C9orf78: variants seen among roughly 807,000 people sequenced by gnomAD.
The protein encoded by C9orf78 is splicing factor C9orf78.
C9orf78 carries 19 observed loss-of-function variants against 37.4 expected under a neutral mutation model. That is an observed-to-expected ratio of 0.51 (90% CI 0.35 to 0.74). C9orf78 has a LOEUF of 0.74. C9orf78 is among the 30% of genes least tolerant of loss of function. The probability of loss-of-function intolerance (pLI) is 0.01; values close to 1 mark genes in which losing one functional copy is unlikely to be tolerated. For missense variants in C9orf78, 291 were observed against 370.8 expected (o/e 0.78, Z 1.77); for synonymous variants, 130 against 128.0 (o/e 1.02, Z -0.10).
rs753102534 is a variant in C9orf78 at position 129,833,535 on chromosome 9, A to G, written c.196-18T>C. ...GGATCATCCTGCAGAAAGCAAACAC[A>G]GTTAAGAGGAAGCATCTAAATACAT... On this transcript the variant is annotated intron_variant, in intron 3 of 8. Transcript: ENST00000372447. The G allele has an allele frequency of 1.3e-5, 20 of 1,573,628 alleles. No individual in the cohort carries two copies. The South Asian group carries it at 2.2e-4, about 17-fold the overall frequency.
At chr9:129,831,823 T>C (rs746299387) in intron 5 of C9orf78, 73 bp downstream of exon 5, 4 of 795,768 alleles carry the variant, frequency 5.0e-6, no homozygotes, top group Non-Finnish European at 9.2e-6. Flanking sequence ...AAATGTCATC[T>C]GTTGACTAAA....
chr9:129,833,067 A>ATGTGTGTG lies in C9orf78; in HGVS notation c.266+372_266+379dup, dbSNP rs3054828. ...TACATATGTGTATATGTGTGTACAT[A>ATGTGTGTG]TGTGTGTGTGTGTGTGTGTGTGTAT... On this transcript the variant is annotated intron_variant, in intron 4 of 8. Transcript: ENST00000372447. Among the ~76,000 whole-genome samples the ATGTGTGTG allele has an allele frequency of 6.6e-3, 925 of 139,934 alleles. 7 individuals are homozygous for ATGTGTGTG. The highest frequency in any genetic ancestry group is 0.024 in the Middle Eastern group (6 of 252). The allele number at this position is 139,934 out of a possible 152,430, so 91.8% of individuals were successfully genotyped here.
intron 5 of C9orf78, chr9:129,831,394 T>C: frequency 3.0e-6 from 1 of 338,674 alleles, no homozygotes; most frequent in Non-Finnish European, 5.4e-6. Context: ...GAAATATTAC[T>C]AGTCATGAAA....
chr9:129,828,806 C>A (rs376559494), intron 8 of C9orf78: 1 of 338,968 alleles, frequency 3.0e-6, no homozygotes, highest in African/African-American at 2.1e-5. Context: ...TCATAGCTCA[C>A]TGCAGCCTTG....
At chr9:129,835,046 A>G in intron 1 of C9orf78, 93 bp downstream of exon 1, 1 of 1,033,866 alleles carries the variant, frequency 9.7e-7, no homozygotes, top group Non-Finnish European at 1.5e-6. Flanking sequence ...CCGAGCTCAC[A>G]GTTAACAATG....
chr9:129,829,374 T>C (rs766977709), intron 7 of C9orf78, 31 bp downstream of exon 7: 7 of 1,606,806 alleles, frequency 4.4e-6, no homozygotes, highest in Non-Finnish European at 5.1e-6. Flanking sequence ...AATAGGGGAA[T>C]GGGGGCAAGA....
At chr9:129,834,638 G>T in intron 2 of C9orf78, 69 bp downstream of exon 2, 7 of 1,115,200 alleles carry the variant, frequency 6.3e-6, no homozygotes, top group Non-Finnish European at 9.5e-6. Flanking sequence ...AGATATTTGT[G>T]ACAGCGACCC....
chr9:129,833,822 T>A, intron 2 of C9orf78, 113 bp from the exon 3 acceptor site: 1 of 716,906 alleles, frequency 1.4e-6, no homozygotes, highest in East Asian at 2.9e-5. Context: ...AGGGTGGGAT[T>A]TGAGGGGTGG....
chr9:129,830,990 A>C lies in C9orf78; in HGVS notation c.423T>G (p.Asn141Lys). The C allele has an allele frequency of 1.2e-6, 2 of 1,612,790 alleles. No homozygotes were observed. Among genetic ancestry groups the C allele is most frequent in the South Asian group, 2.2e-5 (2 of 91,062 alleles). Residue 141 changes from asparagine to lysine, a missense_variant, in exon 6 of 9, where the codon AAT becomes AAG. By Grantham distance (94) the Asn-to-Lys change is moderately conservative. This residue lies in a region of C9orf78 where 158 missense variants were observed against 174.8 expected (regional missense o/e 0.90). Coordinates refer to ENST00000372447, the MANE Select transcript of C9orf78 (RefSeq NM_016520.3). ...EHEEQKVKPK[N>K]AEDCLYELPE... is the part of the protein sequence containing the mutation. ...GAAGTTCATAAAGACAGTCCTCTGC[A>C]TTCTTTGGCTTAACTTTCTGTTCCT...
rs545444519 is a variant in C9orf78, at chr9:129,832,978, C to T, written c.266+469G>A. On this transcript the variant is annotated intron_variant, in intron 4 of 8. Transcript: ENST00000372447. ...ATATATACACACACATATATATATG[C>T]GTGTGTGTATATATATATATGTGTG... Among the ~76,000 whole-genome samples, 116 of 142,122 alleles carry T rather than the reference C, an allele frequency of 8.2e-4. 1 individual carries two copies. In the South Asian group the frequency reaches 0.022, roughly 27 times the overall value. The allele number at this position is 142,122 out of a possible 152,430, so 93.2% of individuals were successfully genotyped here.
intron 4 of C9orf78, among the ~76,000 whole-genome samples, chr9:129,832,437 GTTTGA>G (rs1431437444): frequency 6.6e-6 from 1 of 152,176 alleles, no homozygotes; most frequent in East Asian, 1.9e-4. Flanking sequence ...TTATTTGAAT[GTTTGA>G]TTTATTAATT....
intron 1 of C9orf78, 33 bp from the exon 2 acceptor site, chr9:129,834,799 G>C: frequency 4.0e-6 from 6 of 1,512,666 alleles, no homozygotes; most frequent in Non-Finnish European, 5.5e-6. Context: ...CAATGCATAA[G>C]CTGAGTGATT....
chr9:129,833,841 G>T, intron 2 of C9orf78, 132 bp from the exon 3 acceptor site: 1 of 665,908 alleles, frequency 1.5e-6, no homozygotes, highest in Non-Finnish European at 2.6e-6. Flanking sequence ...GGGTAGGCAA[G>T]CCGGCTGGAA....
At chr9:129,828,277 G>A (rs1215255226) in intron 8 of C9orf78, 25 bp from the exon 9 acceptor site, 1 of 1,439,562 alleles carries the variant, frequency 6.9e-7, no homozygotes, top group Non-Finnish European at 9.8e-7. Context: ...AACAGGAAAG[G>A]TGGTTTGCCA....
chr9:129,828,904 G>T, intron 8 of C9orf78: 1 of 456,336 alleles, frequency 2.2e-6, no homozygotes, highest in South Asian at 2.1e-5. Context: ...CTAACCTTAT[G>T]AGTAGCTTTT....
intron 5 of C9orf78, 193 bp downstream of exon 5, chr9:129,831,703 T>C (rs2062801): frequency 0.24 from 130,109 of 542,418 alleles, 16,062 homozygotes; most frequent in South Asian, 0.27. Flanking sequence ...GGACTACAGG[T>C]GAGAGCTACC....
intron 8 of C9orf78, chr9:129,828,772 G>A (rs113283504): frequency 0.028 from 7,434 of 268,000 alleles, 392 homozygotes; most frequent in African/African-American, 0.13. Context: ...ACTCTGTCAC[G>A]CAGGCTAGAG....
intron 3 of C9orf78, 55 bp downstream of exon 3, chr9:129,833,603 A>C (rs1211859926): frequency 6.9e-7 from 1 of 1,455,814 alleles, no homozygotes; most frequent in African/African-American, 1.4e-5. Flanking sequence ...TCACTCACTG[A>C]AGAGCACTGC....
In C9orf78 at chr9:129,833,952, CATT is replaced by C. The variant is rs1255381173; in HGVS notation, c.144-246_144-244del. 1.4e-4 allele frequency: 71 copies of C among 502,270 alleles called. 1 individual carries two copies. The East Asian group carries it at 2.3e-3, about 16-fold the overall frequency. The allele number at this position is 502,270 out of a possible 1,614,324, so 31.1% of individuals were successfully genotyped here. ...ACACTTTGCCACTTTCCTGTAAAGCCATTTGGCATTATCTTGGCCTGGAAATCT... is the reference window on the plus strand; with the variant it reads ...ACACTTTGCCACTTTCCTGTAAAGCCTGGCATTATCTTGGCCTGGAAATCT... On this transcript the variant is annotated intron_variant, in intron 2 of 8. Coordinates refer to ENST00000372447, the MANE Select transcript of C9orf78 (RefSeq NM_016520.3).
Sources: allele counts gnomAD v4.1 joint callset (sites outside exome capture counted in the v4.1 genomes callset), GRCh38; gene constraint gnomAD v4.1.1; regional missense constraint gnomAD v4.1.1; transcripts MANE v1.5; gene names NCBI Gene and HGNC (gene_info 2026-07-23, HGNC 2026-07-21).